ARHGEF11: variants seen among roughly 807,000 people sequenced by gnomAD.
ARHGEF11 encodes the protein Rho guanine exchange factor (GEF) 11.
In ARHGEF11, 55 loss-of-function variants were observed where a neutral mutation model predicts 193.7. That is an observed-to-expected ratio of 0.28 (90% CI 0.23 to 0.36). The LOEUF is 0.36. Among genes scored for constraint, ARHGEF11 ranks in the 10% least tolerant of loss-of-function variants. The probability of loss-of-function intolerance (pLI) is 1.00; values close to 1 mark genes in which losing one functional copy is unlikely to be tolerated. For missense variants in ARHGEF11, 1,723 were observed against 2,005.6 expected, an observed-to-expected ratio of 0.86 and a Z score of 2.69; for synonymous variants, 693 against 768.0, an observed-to-expected ratio of 0.90 and a Z score of 1.62.
At chr1:157,039,396 A>G (rs1672458119) in intron 1 of ARHGEF11, among the ~76,000 whole-genome samples, 1 of 152,232 alleles carries the variant, frequency 6.6e-6, no homozygotes, top group Non-Finnish European at 1.5e-5. Flanking sequence ...CCCAGCTGCT[A>G]ACAAAGCTGG....
Position 156,935,982 on chromosome 1 carries a change from A to C in ARHGEF11, c.*18T>G. On this transcript the variant is annotated 3_prime_UTR_variant, in exon 41 of 41. Transcript: ENST00000368194. The stretch of plus-strand genomic sequence containing the variant: ...TGAAGGAGGAGTGGGGACGCAGAGG[A>C]TTTGGTGGTTTGTACGGTTATGGTC... The C allele has an allele frequency of 6.2e-7, 1 of 1,608,312 alleles. No homozygotes were observed. Among genetic ancestry groups the C allele is most frequent in the Non-Finnish European group, 8.5e-7 (1 of 1,176,680 alleles).
At chr1:156,971,625 T>C in intron 8 of ARHGEF11, 72 bp downstream of exon 8, 1 of 1,548,218 alleles carries the variant, frequency 6.5e-7, no homozygotes, top group Non-Finnish European at 8.8e-7. Context: ...CCTTCTGTCC[T>C]TGCTTTTTCC....
chr1:157,042,479 T>C (rs1672879505), intron 1 of ARHGEF11, among the ~76,000 whole-genome samples: 1 of 152,192 alleles, frequency 6.6e-6, no homozygotes, highest in Non-Finnish European at 1.5e-5. Context: ...GTCCAGATTC[T>C]GCCACTAGCC....
At chr1:157,006,691 G>C (rs1384543999) in intron 1 of ARHGEF11, among the ~76,000 whole-genome samples, 2 of 152,174 alleles carry the variant, frequency 1.3e-5, no homozygotes, top group Admixed American at 6.5e-5. Context: ...ATTGGATAGG[G>C]CTCAGGTCAG....
Position 156,948,261 on chromosome 1 carries a change from C to T in ARHGEF11, c.2106-33G>A. 6.2e-7 allele frequency: 1 copy of T among 1,603,370 alleles called. No homozygotes were observed. Among genetic ancestry groups the T allele is most frequent in the East Asian group, 2.2e-5 (1 of 44,580 alleles). ...GGGAATGTCAACTCTCAGCAACCCT[C>T]TATCCTTGCCGCCACCCCTGAGATG... On this transcript the variant is annotated intron_variant, in intron 23 of 40. Coordinates refer to ENST00000368194, the MANE Select transcript of ARHGEF11 (RefSeq NM_198236.3). The surrounding 1 kb of genome is among the most constrained non-coding windows in gnomAD (Gnocchi z 4.2).
chr1:156,971,762 C>T lies in ARHGEF11; in HGVS notation c.637G>A (p.Glu213Lys), dbSNP rs757605682. The T allele has an allele frequency of 1.4e-5, 23 of 1,613,782 alleles. No homozygotes were observed. Among genetic ancestry groups the T allele is most frequent in the Non-Finnish European group, 1.8e-5 (21 of 1,180,004 alleles). Residue 213 changes from glutamate to lysine, a missense_variant, in exon 8 of 41, where the codon GAA becomes AAA. Physicochemically the swap from Glu to Lys is moderately conservative, Grantham distance 56 (BLOSUM62 1). This residue lies in a region of ARHGEF11 where 646 missense variants were observed against 710.7 expected (regional missense o/e 0.91). Transcript: ENST00000368194. ...NPASLLEEQI[E>K]GARRRVTQLQ... ...TGAGTGACTCGCCGCCGGGCACCTT[C>T]GATCTGCTCTTCCAGTAGGCTGGCG...
At chr1:157,028,405 T>C (rs370954263) in intron 1 of ARHGEF11, among the ~76,000 whole-genome samples, 2 of 152,352 alleles carry the variant, frequency 1.3e-5, no homozygotes, top group South Asian at 4.1e-4. Context: ...TTTTTTCTCA[T>C]GTTCCAAAGG....
In ARHGEF11 at chr1:156,949,298, C is replaced by T. The variant is rs148948116; in HGVS notation, c.1926-800G>A. Among the ~76,000 whole-genome samples the T allele has an allele frequency of 3.3e-3, 506 of 152,226 alleles. 4 individuals carry two copies. Among genetic ancestry groups the T allele is most frequent in the African/African-American group, 0.012 (481 of 41,534 alleles). ...TGCGGTGTCGAGTCCTGCAGTGCAT[C>T]AGCCCAAGACAGCTGGCACCTCTGA... is the stretch of plus-strand genomic sequence containing the variant. On this transcript the variant is annotated intron_variant, in intron 22 of 40. Transcript: ENST00000368194.
At chr1:157,026,945 G>C (rs1219901587) in intron 1 of ARHGEF11, among the ~76,000 whole-genome samples, 1 of 152,204 alleles carries the variant, frequency 6.6e-6, no homozygotes, top group East Asian at 1.9e-4. Flanking sequence ...AGAGTTGGGG[G>C]TCAGTCTGAA....
intron 1 of ARHGEF11, among the ~76,000 whole-genome samples, chr1:157,005,137 C>T (rs928399448): frequency 2.0e-5 from 3 of 152,234 alleles, no homozygotes; most frequent in African/African-American, 7.2e-5. Context: ...CCAGCACACT[C>T]ACACTTTGTA....
intron 32 of ARHGEF11, 59 bp downstream of exon 32, chr1:156,943,876 A>G (rs1657585620): frequency 6.4e-7 from 1 of 1,560,288 alleles, no homozygotes; most frequent in East Asian, 2.3e-5. Flanking sequence ...TGCCTCACCC[A>G]GCACTTGCTG....
chr1:156,957,605 G>A (rs973159194), intron 18 of ARHGEF11, among the ~76,000 whole-genome samples, 187 bp downstream of exon 18: 1 of 152,210 alleles, frequency 6.6e-6, no homozygotes, highest in Non-Finnish European at 1.5e-5. Context: ...CATCAGGGGC[G>A]TGGGCCTCAT....
intron 7 of ARHGEF11, among the ~76,000 whole-genome samples, chr1:156,974,048 A>C (rs1379382704): frequency 6.6e-6 from 1 of 150,738 alleles, no homozygotes; most frequent in Non-Finnish European, 1.5e-5. Flanking sequence ...CAGTCACAAG[A>C]CTCACTGCAT....
intron 2 of ARHGEF11, among the ~76,000 whole-genome samples, chr1:156,984,990 T>A (rs898028513): frequency 1.4e-4 from 21 of 151,692 alleles, no homozygotes; most frequent in African/African-American, 1.9e-4. Flanking sequence ...CTTTTATTTC[T>A]GAAATAAAAG....
chr1:156,978,083 T>C lies in ARHGEF11; in HGVS notation c.510+121A>G, dbSNP rs1034682555. 3.5e-6 allele frequency: 5 copies of C among 1,420,538 alleles called. No individual in the cohort carries two copies. In the African/African-American group the frequency reaches 5.8e-5, roughly 16 times the overall value. 88.0% of individuals were successfully genotyped at this position (1,420,538 alleles called of 1,614,324 possible). A position where few individuals can be genotyped will look rare whatever the true frequency, so the allele number is the denominator to read the frequency against. On this transcript the variant is annotated intron_variant, in intron 6 of 40. Coordinates refer to ENST00000368194, the MANE Select transcript of ARHGEF11 (RefSeq NM_198236.3). Reference sequence around the variant, plus strand: ...GTTCAACTCTTTCAATGGTCTTTCATATGTCTTTTGGCTTGTCTCTGTTTA... The same window carrying C: ...GTTCAACTCTTTCAATGGTCTTTCACATGTCTTTTGGCTTGTCTCTGTTTA...
chr1:156,976,193 TC>T (rs1310626798), intron 7 of ARHGEF11, among the ~76,000 whole-genome samples: 1 of 152,186 alleles, frequency 6.6e-6, no homozygotes, highest in Non-Finnish European at 1.5e-5. Flanking sequence ...TATTTTCATA[TC>T]TTTGTGCCTT....
chr1:156,939,390 G>T, intron 37 of ARHGEF11, 158 bp downstream of exon 37: 3 of 979,708 alleles, frequency 3.1e-6, no homozygotes, highest in Non-Finnish European at 4.5e-6. Context: ...TCCAAAGCCT[G>T]CCTGATATCG....
chr1:156,995,777 C>T (rs1666399925), intron 1 of ARHGEF11, among the ~76,000 whole-genome samples: 1 of 150,820 alleles, frequency 6.6e-6, no homozygotes, highest in Admixed American at 6.6e-5. Flanking sequence ...CTCCTGGGCA[C>T]AAGGGATCCT....
At chr1:157,039,359 A>G (rs1672452500) in intron 1 of ARHGEF11, among the ~76,000 whole-genome samples, 1 of 152,220 alleles carries the variant, frequency 6.6e-6, no homozygotes, top group Admixed American at 6.5e-5. Context: ...GGTCGAGGGC[A>G]GGTAAGCACC....
Sources: allele counts gnomAD v4.1 joint callset (sites outside exome capture counted in the v4.1 genomes callset), GRCh38; gene constraint gnomAD v4.1.1; regional missense constraint gnomAD v4.1.1; non-coding constraint Gnocchi (gnomAD v3.1); transcripts MANE v1.5; gene names NCBI Gene and HGNC (gene_info 2026-07-23, HGNC 2026-07-21).